Variants in BBS1 observed in about 807,000 individuals in gnomAD.
The protein encoded by BBS1 is BBSome complex member BBS1.
Under a neutral mutation model 73.9 loss-of-function variants are expected in BBS1, and 60 were observed. That is an observed-to-expected ratio of 0.81 (90% CI 0.66 to 1.01). The LOEUF is 1.01. BBS1 is among the 50% of genes least tolerant of loss of function. BBS1 has a pLI of 0.00. For missense variants in BBS1, 718 were observed against 770.3 expected (o/e 0.93, Z 0.80); for synonymous variants, 283 against 317.4 (o/e 0.89, Z 1.15).
intron 7 of BBS1, among the ~76,000 whole-genome samples, chr11:66,517,315 A>G (rs926744069): frequency 1.3e-5 from 2 of 152,190 alleles, no homozygotes; most frequent in African/African-American, 2.4e-5. Flanking sequence ...TATAATTACA[A>G]AAGAAACATG....
chr11:66,532,151 C>T lies in BBS1; in HGVS notation c.*114C>T. ...TGTGCTGGGGCGACAGCTCGTCTCCCCTCTCTTAAGCACCCGCTTCCTCAC... is the reference window on the plus strand; with the variant it reads ...TGTGCTGGGGCGACAGCTCGTCTCCTCTCTCTTAAGCACCCGCTTCCTCAC... On this transcript the variant is annotated 3_prime_UTR_variant, in exon 17 of 17. Transcript: ENST00000318312. 8.5e-7 allele frequency: 1 copy of T among 1,173,936 alleles called. No homozygotes were observed. Among genetic ancestry groups the T allele is most frequent in the South Asian group, 1.4e-5 (1 of 69,390 alleles). 72.7% of individuals were successfully genotyped at this position (1,173,936 alleles called of 1,614,324 possible).
At chr11:66,514,344 A>G in intron 3 of BBS1, 62 bp from the exon 4 acceptor site, 1 of 1,595,530 alleles carries the variant, frequency 6.3e-7, no homozygotes, top group Non-Finnish European at 8.6e-7. Context: ...ATAAGGCAAG[A>G]AGAGGGTCAG....
intron 3 of BBS1, among the ~76,000 whole-genome samples, chr11:66,511,863 G>T (rs996778674): frequency 6.6e-6 from 1 of 151,566 alleles, no homozygotes; most frequent in Non-Finnish European, 1.5e-5. Context: ...GCCGGGCATG[G>T]TGATGGGCAC....
At chr11:66,510,905 C>A in intron 1 of BBS1, 108 bp from the exon 2 acceptor site, 1 of 1,429,742 alleles carries the variant, frequency 7.0e-7, no homozygotes, top group Non-Finnish European at 9.9e-7. Context: ...GGACTTGTAC[C>A]CAGACGTTCT....
chr11:66,515,663 C>G, intron 5 of BBS1, 30 bp from the exon 6 acceptor site: 1 of 1,614,214 alleles, frequency 6.2e-7, no homozygotes, highest in Non-Finnish European at 8.5e-7. Flanking sequence ...TTCTTCCATT[C>G]GGCTGCCATG....
In BBS1 at chr11:66,532,091, GT is replaced by G; in HGVS notation, c.*57del. On this transcript the variant is annotated 3_prime_UTR_variant, in exon 17 of 17. Transcript: ENST00000318312. ...CAATCAGCCAGGGAGAACTGGGCGG[GT>G]TTAGTGGCCCCAGGCCCACTCCTCA... 6.5e-7 allele frequency: 1 copy of G among 1,540,394 alleles called. No homozygotes were observed. The highest frequency in any genetic ancestry group is 1.4e-5 in the African/African-American group (1 of 72,932).
At chr11:66,527,507 A>T (rs1856568189) in intron 13 of BBS1, 2 of 180,846 alleles carry the variant, frequency 1.1e-5, no homozygotes, top group Non-Finnish European at 2.4e-5. Context: ...TGTCTCTACT[A>T]AAAATACAAA....
intron 8 of BBS1, chr11:66,520,403 GC>G (rs966054941): frequency 6.5e-6 from 1 of 153,616 alleles, no homozygotes; most frequent in African/African-American, 2.4e-5. Flanking sequence ...TCATGCCTCA[GC>G]CACCTGAGTA....
chr11:66,524,802 C>T (rs1469551859), intron 11 of BBS1, among the ~76,000 whole-genome samples: 2 of 152,164 alleles, frequency 1.3e-5, no homozygotes, highest in Non-Finnish European at 2.9e-5. Flanking sequence ...CACATTGGCT[C>T]ACACCTGTAA....
At position 66,515,924 on chromosome 11, in the gene BBS1, C is replaced by G. The variant is rs1462628044; in HGVS notation, c.582C>G (p.Ile194Met). The G allele has an allele frequency of 1.2e-6, 2 of 1,614,068 alleles. No homozygotes were observed. Among genetic ancestry groups the G allele is most frequent in the Admixed American group, 3.3e-5 (2 of 60,000 alleles). The change falls in exon 7 of 17, where the codon ATC (isoleucine) becomes ATG (methionine). Residue 194 changes from isoleucine to methionine, a missense_variant. Ile to Met is a conservative substitution (Grantham distance 10, BLOSUM62 1). Transcript: ENST00000318312. Reference sequence around the variant, plus strand: ...TAAACCAACACAAGTCCAACTCCATCAAGCGGCAGGTAATACCCCCTTCTC... The same window carrying G: ...TAAACCAACACAAGTCCAACTCCATGAAGCGGCAGGTAATACCCCCTTCTC... ...AFVNQHKSNS[I>M]KRQTVITTMT...
At chr11:66,521,225 CG>C (rs1856200104) in intron 8 of BBS1, 44 bp from the exon 9 acceptor site, 5 of 1,479,676 alleles carry the variant, frequency 3.4e-6, no homozygotes, top group Non-Finnish European at 4.7e-6. Context: ...CAGGGAGGGA[CG>C]GGGGCTCCAG....
rs1856785770 is a variant in BBS1 at position 66,531,656 on chromosome 11, GT to G, written c.1610del (p.Val537AspfsTer42). ...LYSLPRAFFK[V>X]PLLVPGLNYP... Reference sequence around the variant, plus strand: ...CTTACTTCTTTGTCCCCAAACTTAGGTACCCTTGCTGGTGCCAGGGCTCAAC... The same window carrying G: ...CTTACTTCTTTGTCCCCAAACTTAGGACCCTTGCTGGTGCCAGGGCTCAAC... On this transcript the variant is annotated frameshift_variant and splice_region_variant, in exon 16 of 17. Coordinates refer to ENST00000318312, the MANE Select transcript of BBS1 (RefSeq NM_024649.5). LOFTEE classifies it high-confidence loss of function. 6.2e-7 allele frequency: 1 copy of G among 1,613,970 alleles called. No homozygotes were observed. The highest frequency in any genetic ancestry group is 1.3e-5 in the African/African-American group (1 of 74,918).
In BBS1 at chr11:66,531,688, C is replaced by G. The variant is rs770947454; in HGVS notation, c.1641C>G (p.Pro547=). 15 of 1,614,100 alleles carry G rather than the reference C, an allele frequency of 9.3e-6. No individual in the cohort carries two copies. The Admixed American group carries it at 1.7e-4, about 18-fold the overall frequency. ...VPLLVPGLNY[P]LETFVESLSN... ...TGCTGGTGCCAGGGCTCAACTACCC[C>G]CTGGAGACCTTTGTGGAGAGTCTCA... Residue 547 remains proline, a synonymous_variant, in exon 16 of 17, where the codon CCC becomes CCG. Coordinates refer to ENST00000318312, the MANE Select transcript of BBS1 (RefSeq NM_024649.5).
At chr11:66,514,938 C>T (rs1856017251) in intron 4 of BBS1, among the ~76,000 whole-genome samples, 1 of 152,076 alleles carries the variant, frequency 6.6e-6, no homozygotes. Context: ...GTCTCATCCT[C>T]CTGAGTAGCT....
intron 9 of BBS1, 23 bp from the exon 10 acceptor site, chr11:66,523,433 A>G (rs1296298865): frequency 6.2e-7 from 1 of 1,614,140 alleles, no homozygotes; most frequent in Non-Finnish European, 8.5e-7. Context: ...CTGGGGCCAG[A>G]CAGTGTGTTG....
At position 66,531,116 on chromosome 11, in the gene BBS1, G is replaced by T; in HGVS notation, c.1608+88G>T. 5 of 1,557,532 alleles carry T rather than the reference G, an allele frequency of 3.2e-6. No homozygotes were observed. The Admixed American group carries it at 9.4e-5, about 29-fold the overall frequency. On this transcript the variant is annotated intron_variant, in intron 15 of 16. Transcript: ENST00000318312. ...GCCCACAGAGCCCCGCCAGGTCAGG[G>T]TCAGAGCGTGCGGGTGGCTGCCAGG...
chr11:66,515,529 C>T lies in BBS1; in HGVS notation c.433-11C>T, dbSNP rs1410793647. ...CTTGAGCTCACAGGCTCTCTTCCCA[C>T]ATTGTCACAGGACCGAATCGACCCC... On this transcript the variant is annotated splice_polypyrimidine_tract_variant and intron_variant, in intron 4 of 16. Coordinates refer to ENST00000318312, the MANE Select transcript of BBS1 (RefSeq NM_024649.5). 1 of 1,614,166 alleles carries T rather than the reference C, an allele frequency of 6.2e-7. No homozygotes were observed. Among genetic ancestry groups the T allele is most frequent in the Admixed American group, 1.7e-5 (1 of 60,028 alleles).
intron 7 of BBS1, 60 bp from the exon 8 acceptor site, chr11:66,519,557 G>C: frequency 6.2e-7 from 1 of 1,610,324 alleles, no homozygotes; most frequent in East Asian, 2.2e-5. Flanking sequence ...TGGCATTCTG[G>C]GAGTATCTTG....
intron 7 of BBS1, among the ~76,000 whole-genome samples, chr11:66,517,139 C>T (rs1856067369): frequency 1.3e-5 from 2 of 150,368 alleles, no homozygotes; most frequent in Non-Finnish European, 2.9e-5. Flanking sequence ...GCGGAGCTTG[C>T]AGTGAGCCGA....
Sources: allele counts gnomAD v4.1 joint callset (sites outside exome capture counted in the v4.1 genomes callset), GRCh38; gene constraint gnomAD v4.1.1; transcripts MANE v1.5; gene names NCBI Gene and HGNC (gene_info 2026-07-23, HGNC 2026-07-21).